Variants in RORB observed in about 807,000 individuals in gnomAD.
RORB encodes RAR related orphan receptor B, also known as nuclear receptor ROR-beta.
Under a neutral mutation model 59.1 loss-of-function variants are expected in RORB, and 6 were observed. That is an observed-to-expected ratio of 0.10 (90% CI 0.06 to 0.20). The LOEUF (loss-of-function observed/expected upper bound fraction) is 0.20, where lower values mean the gene tolerates loss of function less well. RORB is among the 10% of genes least tolerant of loss of function. The pLI is 1.00. For synonymous variants in RORB, 215 were observed against 204.5 expected (o/e 1.05, Z -0.44); for missense variants, 320 against 560.5 (o/e 0.57, Z 4.33).
At chr9:74,564,619 G>C (rs1169548361) in intron 1 of RORB, among the ~76,000 whole-genome samples, 1 of 152,138 alleles carries the variant, frequency 6.6e-6, no homozygotes, top group Non-Finnish European at 1.5e-5. Context: ...ACTTTGTATA[G>C]CCGACTATGG....
chr9:74,636,962 A>G (rs1190065714), intron 3 of RORB, among the ~76,000 whole-genome samples: 1 of 152,198 alleles, frequency 6.6e-6, no homozygotes, highest in Admixed American at 6.5e-5. Context: ...CCTCCTATTG[A>G]TAAGTATTGC....
chr9:74,671,831 A>G lies in RORB; in HGVS notation c.1154A>G (p.Gln385Arg). The G allele has an allele frequency of 6.2e-7, 1 of 1,613,102 alleles. No homozygotes were observed. The highest frequency in any genetic ancestry group is 8.5e-7 in the Non-Finnish European group (1 of 1,179,326). ...LIEPRKVQKL[Q>R]EKIYFALQHV... ...GAACCAAGGAAAGTCCAGAAGCTTCAGGAAAAAATTTATTTTGCACTTCAA... is the reference window on the plus strand; with the variant it reads ...GAACCAAGGAAAGTCCAGAAGCTTCGGGAAAAAATTTATTTTGCACTTCAA... Residue 385 changes from glutamine (Q) to arginine (R), a missense_variant, in exon 9 of 10, where the codon CAG becomes CGG. Gln to Arg is a conservative substitution (Grantham distance 43). Transcript: ENST00000376896.
intron 1 of RORB, among the ~76,000 whole-genome samples, chr9:74,557,536 T>C (rs1822324862): frequency 6.6e-6 from 1 of 152,190 alleles, no homozygotes; most frequent in African/African-American, 2.4e-5. Context: ...TCAGGAGTTC[T>C]GTGACTTGTG....
intron 3 of RORB, among the ~76,000 whole-genome samples, chr9:74,641,923 T>C (rs1318070640): frequency 6.6e-6 from 1 of 151,486 alleles, no homozygotes; most frequent in African/African-American, 2.4e-5. Flanking sequence ...AAAATTATTA[T>C]AAAAAATAAA....
chr9:74,531,756 G>A (rs1826245877), intron 1 of RORB, among the ~76,000 whole-genome samples: 1 of 151,864 alleles, frequency 6.6e-6, no homozygotes, highest in Non-Finnish European at 1.5e-5. Flanking sequence ...ACTCAGAATA[G>A]CTTTTCTCTT....
At chr9:74,502,813 A>G (rs942420316) in intron 1 of RORB, among the ~76,000 whole-genome samples, 1 of 152,044 alleles carries the variant, frequency 6.6e-6, no homozygotes, top group African/African-American at 2.4e-5. Flanking sequence ...AATTCTGGCC[A>G]AATTGAAACA....
chr9:74,675,315 A>G (rs1057248304), intron 9 of RORB, among the ~76,000 whole-genome samples: 8 of 149,930 alleles, frequency 5.3e-5, no homozygotes, highest in East Asian at 2.0e-4. Context: ...AAAAAAATAC[A>G]TACATATATA....
intron 3 of RORB, among the ~76,000 whole-genome samples, chr9:74,641,299 C>T (rs899011918): frequency 6.6e-6 from 1 of 152,160 alleles, no homozygotes; most frequent in Admixed American, 6.5e-5. Context: ...TCTTAAGAAA[C>T]AACACACTGA....
intron 1 of RORB, among the ~76,000 whole-genome samples, chr9:74,524,084 A>G (rs1232294837): frequency 6.6e-6 from 1 of 151,238 alleles, no homozygotes; most frequent in African/African-American, 2.4e-5. Flanking sequence ...AATAAGGTAA[A>G]TATCTCATCA....
At chr9:74,540,829 C>G (rs1287508503) in intron 1 of RORB, among the ~76,000 whole-genome samples, 1 of 152,072 alleles carries the variant, frequency 6.6e-6, no homozygotes, top group African/African-American at 2.4e-5. Flanking sequence ...GACAAATTTT[C>G]AAAAGTGAGA....
chr9:74,661,636 C>CTTTTTTTTTT lies in RORB; in HGVS notation c.760-821_760-812dup, dbSNP rs779927558. On this transcript the variant is annotated intron_variant, in intron 5 of 9. Transcript: ENST00000376896. The stretch of plus-strand genomic sequence containing the variant: ...CCTTTTTCCTCGGAATTCTTTTTTC[C>CTTTTTTTTTT]TTTTTTTTTTTTTTTTTTTTTTTTT... 1.0e-4 allele frequency among the ~76,000 whole-genome samples: 8 copies of CTTTTTTTTTT among 79,590 alleles called. 1 individual carries two copies. The highest frequency in any genetic ancestry group is 1.4e-4 in the Non-Finnish European group (6 of 42,606). The allele number at this position is 79,590 out of a possible 152,430, so 52.2% of individuals were successfully genotyped here.
chr9:74,623,644 G>T (rs1310438582), intron 1 of RORB, among the ~76,000 whole-genome samples: 1 of 152,066 alleles, frequency 6.6e-6, no homozygotes, highest in African/African-American at 2.4e-5. Context: ...CTAGCCTCAG[G>T]ATCTCATTCT....
chr9:74,531,137 G>C (rs560033194), intron 1 of RORB, among the ~76,000 whole-genome samples: 1 of 152,010 alleles, frequency 6.6e-6, no homozygotes, highest in Admixed American at 6.6e-5. Flanking sequence ...TTTTGCTAAG[G>C]AGTCAGTTTA....
At chr9:74,590,940 C>A (rs988900604) in intron 1 of RORB, among the ~76,000 whole-genome samples, 3 of 152,088 alleles carry the variant, frequency 2.0e-5, no homozygotes, top group Non-Finnish European at 4.4e-5. Context: ...GGACTACAGG[C>A]GCATGCCACC....
intron 1 of RORB, among the ~76,000 whole-genome samples, chr9:74,591,311 T>C (rs1563946251): frequency 6.6e-6 from 1 of 152,196 alleles, no homozygotes. Flanking sequence ...TGATATCCTA[T>C]GCATATGAAT....
chr9:74,673,896 A>G (rs1235182482), intron 9 of RORB, among the ~76,000 whole-genome samples: 1 of 152,192 alleles, frequency 6.6e-6, no homozygotes, highest in African/African-American at 2.4e-5. Context: ...AATAGTTATC[A>G]TTTTAATAAG....
intron 4 of RORB, among the ~76,000 whole-genome samples, chr9:74,649,741 A>G (rs1045131934): frequency 3.3e-5 from 5 of 152,184 alleles, no homozygotes; most frequent in African/African-American, 1.2e-4. Flanking sequence ...ACACACACAT[A>G]TATGCTCAAT....
At chr9:74,552,253 T>G (rs1163451654) in intron 1 of RORB, among the ~76,000 whole-genome samples, 1 of 152,172 alleles carries the variant, frequency 6.6e-6, no homozygotes. Context: ...TCAAGTGTTA[T>G]TGGGTAATCA....
intron 2 of RORB, among the ~76,000 whole-genome samples, chr9:74,632,913 G>A (rs1459164591): frequency 6.6e-6 from 1 of 152,126 alleles, no homozygotes; most frequent in African/African-American, 2.4e-5. Context: ...AGTCAAACTG[G>A]ACAGTCAGAA....
Sources: gnomAD v4.1 joint callset for allele counts (sites outside exome capture counted in the v4.1 genomes callset) on GRCh38, gnomAD v4.1.1 for gene constraint, MANE v1.5 for transcripts, NCBI Gene and HGNC (gene_info 2026-07-23, HGNC 2026-07-21) for gene names.